The following RIMS1 variants were observed in gnomAD, a reference collection of about 807,000 sequenced individuals.
RIMS1 encodes regulating synaptic membrane exocytosis protein 1.
A neutral mutation model predicts 214.1 loss-of-function variants in RIMS1; 83 were observed. The observed-to-expected ratio is 0.39, with a 90% CI of 0.32 to 0.47. The LOEUF is 0.47. RIMS1 is among the 20% of genes least tolerant of loss of function. The pLI is 0.99. For missense variants in RIMS1, 2,050 were observed against 2,161.8 expected (o/e 0.95, Z 1.03); for synonymous variants, 793 against 786.8 (o/e 1.01, Z -0.13).
rs1162341760 is a variant in RIMS1, at chr6:71,951,492, T to TTTTGTG, written c.165-17490_165-17489insTTGTGT. 7.7e-3 allele frequency among the ~76,000 whole-genome samples: 903 copies of TTTTGTG among 117,494 alleles called. 17 individuals are homozygous for TTTTGTG. Among genetic ancestry groups the TTTTGTG allele is most frequent in the African/African-American group, 0.032 (860 of 26,870 alleles). The allele number at this position is 117,494 out of a possible 152,430, so 77.1% of individuals were successfully genotyped here. On this transcript the variant is annotated intron_variant, in intron 1 of 33. Coordinates refer to ENST00000521978, the MANE Select transcript of RIMS1 (RefSeq NM_014989.7). Reference sequence around the variant, plus strand: ...CTTTTCTTTTTCTTTTTTTTTTTTTTTGTGTGTGTGTGTGTGTGACAGAGT... The same window carrying TTTTGTG: ...CTTTTCTTTTTCTTTTTTTTTTTTTTTTTGTGTGTGTGTGTGTGTGTGTGACAGAGT...
chr6:72,091,978 C>T (rs1439852739), intron 2 of RIMS1, among the ~76,000 whole-genome samples: 1 of 152,098 alleles, frequency 6.6e-6, no homozygotes, highest in Non-Finnish European at 1.5e-5. Context: ...ATTTATTATT[C>T]ATAATAGAAC....
intron 10 of RIMS1, among the ~76,000 whole-genome samples, chr6:72,244,263 T>A (rs2068358575): frequency 6.6e-6 from 1 of 151,842 alleles, no homozygotes; most frequent in African/African-American, 2.4e-5. Flanking sequence ...AAAACTACTC[T>A]ACTACCTAAC....
chr6:72,182,372 G>A lies in RIMS1; in HGVS notation c.901G>A (p.Val301Met). Residue 301 changes from valine (V) to methionine (M), a missense_variant, in exon 6 of 34, where the codon GTG becomes ATG. Physicochemically the swap from Val to Met is conservative, Grantham distance 21. Transcript: ENST00000521978. ...CGTGCCAAAGACCTCAGCGCAGCCC[G>A]TGGAGGGGGCCGTCGAAGAACGGGA... ...KRVPKTSAQPVEGAVEERERK... is the reference protein window; with the variant it reads ...KRVPKTSAQPMEGAVEERERK... 6.2e-7 allele frequency: 1 copy of A among 1,613,902 alleles called. No individual in the cohort carries two copies. The highest frequency in any genetic ancestry group is 8.5e-7 in the Non-Finnish European group (1 of 1,179,880).
At chr6:71,994,487 AT>A (rs926211987) in intron 2 of RIMS1, among the ~76,000 whole-genome samples, 9 of 152,192 alleles carry the variant, frequency 5.9e-5, no homozygotes, top group African/African-American at 2.2e-4. Flanking sequence ...GGTATAAGGC[AT>A]TTTAAGAGCA....
chr6:71,916,691 T>C lies in RIMS1; in HGVS notation c.164+29504T>C, dbSNP rs147630862. On this transcript the variant is annotated intron_variant, in intron 1 of 33. Transcript: ENST00000521978. Reference sequence around the variant, plus strand: ...ACTTTTTTGAAAGATGCCTTGAGAATTCAAAAGGGATATTGCTCAGTTAGT... The same window carrying C: ...ACTTTTTTGAAAGATGCCTTGAGAACTCAAAAGGGATATTGCTCAGTTAGT... Among the ~76,000 whole-genome samples, 1,124 of 152,272 alleles carry C rather than the reference T, an allele frequency of 7.4e-3. 13 individuals are homozygous for C. The highest frequency in any genetic ancestry group is 0.026 in the African/African-American group (1,079 of 41,560).
chr6:72,187,385 A>G (rs1020841013), intron 6 of RIMS1, among the ~76,000 whole-genome samples: 6 of 151,500 alleles, frequency 4.0e-5, no homozygotes, highest in African/African-American at 1.5e-4. Flanking sequence ...GTGCCTTAAT[A>G]TTGTTGTATG....
intron 19 of RIMS1, chr6:72,263,286 G>A: frequency 2.0e-6 from 2 of 985,108 alleles, no homozygotes; most frequent in South Asian, 4.7e-5. Flanking sequence ...AGTAAAACGT[G>A]TCTCGAGGAA....
rs142295018 is a variant in RIMS1 at position 72,395,646 on chromosome 6, G to A, written c.4619-2603G>A. ...AATATGAATAAGAAGTTATAAGACCGAGCAGAAAAGTGAGGTCTAATATAT... is the reference window on the plus strand; with the variant it reads ...AATATGAATAAGAAGTTATAAGACCAAGCAGAAAAGTGAGGTCTAATATAT... On this transcript the variant is annotated intron_variant, in intron 31 of 33. Coordinates refer to ENST00000521978, the MANE Select transcript of RIMS1 (RefSeq NM_014989.7). Among the ~76,000 whole-genome samples the A allele has an allele frequency of 3.0e-3, 454 of 152,096 alleles. 1 individual carries two copies. Among genetic ancestry groups the A allele is most frequent in the African/African-American group, 0.01 (430 of 41,542 alleles).
chr6:71,983,442 A>AG (rs929758494), intron 2 of RIMS1, among the ~76,000 whole-genome samples: 2 of 150,570 alleles, frequency 1.3e-5, no homozygotes, highest in Non-Finnish European at 3.0e-5. Flanking sequence ...TCAGAAAAAA[A>AG]GGGTTTTTTT....
intron 28 of RIMS1, among the ~76,000 whole-genome samples, chr6:72,325,772 G>A (rs999593595): frequency 2.0e-5 from 3 of 151,800 alleles, no homozygotes; most frequent in African/African-American, 7.3e-5. Flanking sequence ...ACTTCTTAAG[G>A]TCCAGCTTAC....
At chr6:72,365,609 T>A (rs971489516) in intron 29 of RIMS1, among the ~76,000 whole-genome samples, 1 of 152,214 alleles carries the variant, frequency 6.6e-6, no homozygotes, top group African/African-American at 2.4e-5. Context: ...AGGGCCACCA[T>A]TAGTAATATG....
chr6:72,227,917 A>T (rs2060707784), intron 6 of RIMS1, among the ~76,000 whole-genome samples: 1 of 151,988 alleles, frequency 6.6e-6, no homozygotes, highest in African/African-American at 2.4e-5. Flanking sequence ...TTTAGGATGG[A>T]AGCAGAGTGC....
chr6:72,302,475 A>G (rs141391154), intron 26 of RIMS1, among the ~76,000 whole-genome samples: 120 of 151,590 alleles, frequency 7.9e-4, no homozygotes, highest in Middle Eastern at 3.4e-3. Context: ...AACCTTTTTC[A>G]TCTTTTCTTG....
At chr6:72,345,961 A>C (rs2097253193) in intron 29 of RIMS1, among the ~76,000 whole-genome samples, 1 of 151,796 alleles carries the variant, frequency 6.6e-6, no homozygotes, top group Admixed American at 6.6e-5. Flanking sequence ...AACAACATAG[A>C]ACTGGCAATT....
intron 6 of RIMS1, among the ~76,000 whole-genome samples, chr6:72,209,977 T>G (rs1466339750): frequency 6.6e-6 from 1 of 151,680 alleles, no homozygotes; most frequent in African/African-American, 2.4e-5. Context: ...TATGTAGAGT[T>G]GAATAAATGG....
At chr6:71,992,468 C>T (rs1187953991) in intron 2 of RIMS1, among the ~76,000 whole-genome samples, 3 of 133,976 alleles carry the variant, frequency 2.2e-5, no homozygotes, top group Non-Finnish European at 3.3e-5. Context: ...CTTTCTTTCT[C>T]CTTTCTTCCT....
intron 7 of RIMS1, among the ~76,000 whole-genome samples, chr6:72,234,707 A>G (rs2063357882): frequency 6.6e-6 from 1 of 152,000 alleles, no homozygotes. Flanking sequence ...AATCCCTGGC[A>G]CCACTTATTC....
At chr6:72,023,594 A>G (rs1254783561) in intron 2 of RIMS1, among the ~76,000 whole-genome samples, 1 of 152,110 alleles carries the variant, frequency 6.6e-6, no homozygotes, top group Non-Finnish European at 1.5e-5. Flanking sequence ...TATTTGAGAT[A>G]TGGGAGACAT....
rs139011420 is a variant in RIMS1, at chr6:72,305,657, T to G, written c.3851-1601T>G. Among the ~76,000 whole-genome samples the G allele has an allele frequency of 5.1e-3, 778 of 152,214 alleles. 9 individuals carry two copies. Among genetic ancestry groups the G allele is most frequent in the African/African-American group, 0.018 (730 of 41,564 alleles). On this transcript the variant is annotated intron_variant, in intron 26 of 33. Transcript: ENST00000521978. ...AGTTTCTAATTACTCTTACATAGCATTTTACTGTATAATACTCCTTTTAAC... is the reference window on the plus strand; with the variant it reads ...AGTTTCTAATTACTCTTACATAGCAGTTTACTGTATAATACTCCTTTTAAC...
Sources: gnomAD v4.1 joint callset for allele counts (sites outside exome capture counted in the v4.1 genomes callset) on GRCh38, gnomAD v4.1.1 for gene constraint, MANE v1.5 for transcripts, NCBI Gene and HGNC (gene_info 2026-07-23, HGNC 2026-07-21) for gene names.